ACOT7: variants seen among roughly 807,000 people sequenced by gnomAD.
ACOT7 encodes cytosolic acyl coenzyme A thioester hydrolase.
ACOT7 carries 12 observed loss-of-function variants against 40.2 expected under a neutral mutation model. That is an observed-to-expected ratio of 0.30 (90% CI 0.19 to 0.48). The LOEUF is 0.48. Among genes scored for constraint, ACOT7 ranks in the 20% least tolerant of loss-of-function variants. ACOT7 has a pLI of 0.99. For synonymous variants in ACOT7, 228 were observed against 219.5 expected (o/e 1.04, Z -0.34); for missense variants, 395 against 530.8 (o/e 0.74, Z 2.51).
chr1:6,365,540 T>A lies in ACOT7; in HGVS notation c.144-15674A>T, dbSNP rs374333805. On this transcript the variant is annotated intron_variant, in intron 1 of 8. Transcript: ENST00000361521. ...ATCCCAGCACTTTGGGAGGCCAAGG[T>A]GGGTGGATCACAAGGTCAGGAGATC... 2.6e-5 allele frequency among the ~76,000 whole-genome samples: 4 copies of A among 152,004 alleles called. No homozygotes were observed. The East Asian group carries it at 5.8e-4, about 22-fold the overall frequency.
chr1:6,364,766 T>C (rs1158549022), intron 1 of ACOT7, among the ~76,000 whole-genome samples: 1 of 147,116 alleles, frequency 6.8e-6, no homozygotes, highest in Non-Finnish European at 1.5e-5. Flanking sequence ...GAGAATCACT[T>C]GAACCCGGGA....
chr1:6,389,549 T>C (rs1287030722), intron 1 of ACOT7, among the ~76,000 whole-genome samples: 3 of 152,038 alleles, frequency 2.0e-5, no homozygotes, highest in African/African-American at 7.2e-5. Context: ...TGAATTTAAA[T>C]TGATGCAATT....
chr1:6,301,718 C>A lies in ACOT7; in HGVS notation c.713-6738G>T, dbSNP rs1171187281. Among the ~76,000 whole-genome samples, 1 of 152,238 alleles carries A rather than the reference C, an allele frequency of 6.6e-6. No individual in the cohort carries two copies. The highest frequency in any genetic ancestry group is 1.5e-5 in the Non-Finnish European group (1 of 68,046). ...CAAAGTATGTGGCTCCTTCAGGCAA[C>A]AATTTGCGTCAAGAATTAGTCACAG... On this transcript the variant is annotated intron_variant, in intron 6 of 8. Transcript: ENST00000361521. The surrounding 1 kb of genome is among the most constrained non-coding windows in gnomAD (Gnocchi z 4.1).
intron 1 of ACOT7, among the ~76,000 whole-genome samples, chr1:6,362,699 G>A (rs6660500): frequency 0.092 from 13,996 of 152,196 alleles, 1,618 homozygotes; most frequent in African/African-American, 0.27. Flanking sequence ...AGCTGGTAGG[G>A]TCAGAAACTT....
intron 8 of ACOT7, among the ~76,000 whole-genome samples, chr1:6,280,298 C>T (rs1020027360): frequency 2.6e-5 from 4 of 152,252 alleles, no homozygotes; most frequent in Non-Finnish European, 5.9e-5. Context: ...TCAGGACCAC[C>T]CCAAAGGCTG....
chr1:6,374,986 A>G (rs1337730044), intron 1 of ACOT7, among the ~76,000 whole-genome samples: 3 of 152,176 alleles, frequency 2.0e-5, no homozygotes, highest in African/African-American at 7.2e-5. Flanking sequence ...CTGTTAAGAT[A>G]ATGGAGACAG....
rs1642574245 is a variant in ACOT7 at position 6,393,502 on chromosome 1, G to C, written c.-103C>G. On this transcript the variant is annotated 5_prime_UTR_variant, in exon 1 of 9. Transcript: ENST00000361521. Reference sequence around the variant, plus strand: ...CCCGCGCCGACCCCGCCCCCGCGCCGGCCCCACCCCGAGCCCCGCCTCCCA... The same window carrying C: ...CCCGCGCCGACCCCGCCCCCGCGCCCGCCCCACCCCGAGCCCCGCCTCCCA... The C allele has an allele frequency of 1.9e-6, 2 of 1,065,406 alleles. No homozygotes were observed. Among genetic ancestry groups the C allele is most frequent in the South Asian group, 4.8e-5 (1 of 20,646 alleles). 66.0% of individuals were successfully genotyped at this position (1,065,406 alleles called of 1,614,324 possible).
At chr1:6,373,931 C>G (rs955959429) in intron 1 of ACOT7, among the ~76,000 whole-genome samples, 4 of 151,586 alleles carry the variant, frequency 2.6e-5, no homozygotes, top group African/African-American at 9.7e-5. Context: ...GTACCTAGGT[C>G]AAAACTGATC....
chr1:6,312,327 T>G (rs2148415177), intron 6 of ACOT7, among the ~76,000 whole-genome samples: 1 of 152,250 alleles, frequency 6.6e-6, no homozygotes, highest in Non-Finnish European at 1.5e-5. Flanking sequence ...CATTTCAAAA[T>G]AACTAAAAGA....
intron 6 of ACOT7, among the ~76,000 whole-genome samples, chr1:6,303,451 T>C (rs1050035516): frequency 6.6e-6 from 1 of 151,984 alleles, no homozygotes; most frequent in African/African-American, 2.4e-5. Flanking sequence ...AGTATTGATC[T>C]GTCAACTGGC....
chr1:6,316,681 G>A (rs141029829), intron 6 of ACOT7, among the ~76,000 whole-genome samples: 1,549 of 152,222 alleles, frequency 0.01, 27 homozygotes, highest in African/African-American at 0.035. Flanking sequence ...GTGGTGGCAC[G>A]TGCCTGTAAT....
chr1:6,319,279 G>A (rs1640579200), intron 5 of ACOT7, among the ~76,000 whole-genome samples: 1 of 152,150 alleles, frequency 6.6e-6, no homozygotes. Flanking sequence ...TGTAGCCTCC[G>A]CCTCCTGGGT....
At chr1:6,307,926 A>G (rs57594868) in intron 6 of ACOT7, among the ~76,000 whole-genome samples, 11,222 of 151,218 alleles carry the variant, frequency 0.074, 1,018 homozygotes, top group African/African-American at 0.21. Flanking sequence ...AACCACAAAC[A>G]GGCAGAGGGA....
At chr1:6,264,799 C>A in intron 8 of ACOT7, 104 bp from the exon 9 acceptor site, 1 of 1,225,156 alleles carries the variant, frequency 8.2e-7, no homozygotes, top group Non-Finnish European at 1.1e-6. Context: ...TGGGATCTGC[C>A]CCACCCCTGG....
rs1202400542 is a variant in ACOT7 at position 6,288,769 on chromosome 1, C to T, written c.829+6095G>A. ...TGGCCGCGGGTGAGGCCTCTCCCAG[C>T]CACGACAAGTGCCCCAAGTTCGTAA... is the stretch of plus-strand genomic sequence containing the variant. On this transcript the variant is annotated intron_variant, in intron 7 of 8. Coordinates refer to ENST00000361521, the MANE Select transcript of ACOT7 (RefSeq NM_007274.4). The surrounding 1 kb of genome is among the most constrained non-coding windows in gnomAD (Gnocchi z 4.3). Among the ~76,000 whole-genome samples, 2 of 152,236 alleles carry T rather than the reference C, an allele frequency of 1.3e-5. No individual in the cohort carries two copies. The highest frequency in any genetic ancestry group is 1.3e-4 in the Admixed American group (2 of 15,286).
rs34425776 is a variant in ACOT7, at chr1:6,307,114, AG to A, written c.712+11377del. Among the ~76,000 whole-genome samples, 174 of 152,318 alleles carry A rather than the reference AG, an allele frequency of 1.1e-3. 1 individual carries two copies. The highest frequency in any genetic ancestry group is 3.9e-3 in the African/African-American group (164 of 41,570). ...CACCTGCATGGATGTTTGTCGCAGA[AG>A]GTTTGACTCCCAACCAGCCAGCAGG... On this transcript the variant is annotated intron_variant, in intron 6 of 8. Transcript: ENST00000361521.
intron 3 of ACOT7, 79 bp downstream of exon 3, chr1:6,339,354 T>C: frequency 1.3e-6 from 2 of 1,594,206 alleles, no homozygotes; most frequent in Non-Finnish European, 1.7e-6. Context: ...CCCTGGAGCG[T>C]CCTCTGCCCT....
intron 6 of ACOT7, among the ~76,000 whole-genome samples, chr1:6,297,122 TCTGCCTCCCAGGTTCAAGCTATTCTC>T (rs1639833321): frequency 6.6e-6 from 1 of 152,066 alleles, no homozygotes; most frequent in African/African-American, 2.4e-5. Context: ...CCCTGCAACC[TCTGCCTCCCAGGTTCAAGCTATTCTC>T]CTGCCTCCGC....
intron 1 of ACOT7, among the ~76,000 whole-genome samples, chr1:6,350,686 A>G (rs1641566686): frequency 6.6e-6 from 1 of 152,228 alleles, no homozygotes; most frequent in Non-Finnish European, 1.5e-5. Context: ...GGCAGCGGGC[A>G]CAGGTCCAGG....
Sources: gnomAD v4.1 joint callset for allele counts (sites outside exome capture counted in the v4.1 genomes callset) on GRCh38, gnomAD v4.1.1 for gene constraint, Gnocchi (gnomAD v3.1) non-coding constraint, MANE v1.5 for transcripts, NCBI Gene and HGNC (gene_info 2026-07-23, HGNC 2026-07-21) for gene names.